JPH1: variants seen among roughly 807,000 people sequenced by gnomAD.
The protein encoded by JPH1 is junctophilin 1.
Under a neutral mutation model 53.6 loss-of-function variants are expected in JPH1, and 12 were observed. That is an observed-to-expected ratio of 0.22 (90% CI 0.14 to 0.36). The LOEUF is 0.36. JPH1 is among the 10% of genes least tolerant of loss of function. The pLI is 1.00. For synonymous variants in JPH1, 375 were observed against 363.8 expected (o/e 1.03, Z -0.35); for missense variants, 808 against 905.5 (o/e 0.89, Z 1.38).
intron 2 of JPH1, among the ~76,000 whole-genome samples, chr8:74,305,826 AAT>A (rs1197095671): frequency 6.6e-6 from 1 of 152,180 alleles, no homozygotes; most frequent in Non-Finnish European, 1.5e-5. Flanking sequence ...CATGTTTTTT[AAT>A]GGCTTGAAAG....
chr8:74,241,909 C>T (rs939875756), intron 4 of JPH1, among the ~76,000 whole-genome samples: 2 of 152,164 alleles, frequency 1.3e-5, no homozygotes, highest in Non-Finnish European at 2.9e-5. Flanking sequence ...CTCTTGTCTA[C>T]TTGATGGTAA....
At chr8:74,251,478 GGTTTC>G (rs1428281764) in intron 3 of JPH1, among the ~76,000 whole-genome samples, 2 of 152,056 alleles carry the variant, frequency 1.3e-5, no homozygotes, top group African/African-American at 2.4e-5. Flanking sequence ...TGGCAATTTA[GGTTTC>G]TGTGCATGTA....
chr8:74,285,292 A>C (rs1807130368), intron 2 of JPH1, among the ~76,000 whole-genome samples: 2 of 152,066 alleles, frequency 1.3e-5, no homozygotes, highest in Admixed American at 1.3e-4. Context: ...TAAATACTAT[A>C]TCTACTTTAT....
intron 2 of JPH1, among the ~76,000 whole-genome samples, chr8:74,269,956 G>T (rs180921057): frequency 6.6e-5 from 10 of 152,276 alleles, no homozygotes. Flanking sequence ...TTTATATCTA[G>T]AGTTCATCTT....
intron 2 of JPH1, among the ~76,000 whole-genome samples, chr8:74,272,507 A>G (rs1264611116): frequency 6.6e-6 from 1 of 152,044 alleles, no homozygotes; most frequent in Non-Finnish European, 1.5e-5. Flanking sequence ...CCGAGACGTC[A>G]TAGTAACAAC....
rs1383116025 is a variant in JPH1 at position 74,321,487 on chromosome 8, C to T, written c.-200G>A. The T allele has an allele frequency of 6.3e-6, 3 of 479,404 alleles. No individual in the cohort carries two copies. The highest frequency in any genetic ancestry group is 2.2e-5 in the African/African-American group (1 of 46,278). The allele number at this position is 479,404 out of a possible 1,614,324, so 29.7% of individuals were successfully genotyped here. A position where few individuals can be genotyped will look rare whatever the true frequency, so the allele number is the denominator to read the frequency against. Reference sequence around the variant, plus strand: ...TGCCGCCGCCACCGCCGCCTTCCTCCTCCTCCTCCTCCTCCTTCGCCGCCG... The same window carrying T: ...TGCCGCCGCCACCGCCGCCTTCCTCTTCCTCCTCCTCCTCCTTCGCCGCCG... On this transcript the variant is annotated 5_prime_UTR_variant, in exon 1 of 6. Coordinates refer to ENST00000342232, the MANE Select transcript of JPH1 (RefSeq NM_020647.4). This position sits in a 1 kb window ranked among gnomAD's most constrained non-coding sequence, Gnocchi z 4.3.
intron 2 of JPH1, among the ~76,000 whole-genome samples, chr8:74,278,940 T>G (rs1806927529): frequency 6.6e-6 from 1 of 151,986 alleles, no homozygotes; most frequent in Non-Finnish European, 1.5e-5. Context: ...TTGTAAATTA[T>G]GAAGCAAGAC....
At chr8:74,274,493 T>C (rs1806792675) in intron 2 of JPH1, among the ~76,000 whole-genome samples, 3 of 152,220 alleles carry the variant, frequency 2.0e-5, no homozygotes, top group Admixed American at 6.5e-5. Flanking sequence ...TCTGAGCTTT[T>C]AGATGTGGAC....
chr8:74,304,375 G>A (rs1205911987), intron 2 of JPH1, among the ~76,000 whole-genome samples: 1 of 152,174 alleles, frequency 6.6e-6, no homozygotes, highest in African/African-American at 2.4e-5. Context: ...TAATCTATTA[G>A]TCCACAGTTC....
At chr8:74,292,674 G>A (rs1190732585) in intron 2 of JPH1, among the ~76,000 whole-genome samples, 4 of 151,546 alleles carry the variant, frequency 2.6e-5, no homozygotes, top group African/African-American at 9.7e-5. Context: ...CAGAAAAGTA[G>A]TGTAAGGAGA....
chr8:74,265,196 C>T (rs567557859), intron 2 of JPH1, among the ~76,000 whole-genome samples: 1 of 152,066 alleles, frequency 6.6e-6, no homozygotes, highest in Non-Finnish European at 1.5e-5. Flanking sequence ...AACTCTAGCC[C>T]CCTGCAGTGT....
intron 2 of JPH1, 40 bp from the exon 3 acceptor site, chr8:74,259,543 C>T (rs1806333701): frequency 7.3e-7 from 1 of 1,361,382 alleles, no homozygotes; most frequent in South Asian, 1.5e-5. Flanking sequence ...ATAGGTGACC[C>T]CTTGTTACTT....
In JPH1 at chr8:74,321,150, G is replaced by A; in HGVS notation, c.138C>T (p.Phe46=). Residue 46 remains phenylalanine (F), a synonymous_variant, in exon 1 of 6, where the codon TTC becomes TTT. Coordinates refer to ENST00000342232, the MANE Select transcript of JPH1 (RefSeq NM_020647.4). The surrounding 1 kb of genome is among the most constrained non-coding windows in gnomAD (Gnocchi z 4.3). ...GCCAGGTGTAGCCTCCGACCACCTC[G>A]AAGCCGTGCGACCAGGAGCCCGAGT... ...GEYSGSWSHG[F]EVVGGYTWPS... The A allele has an allele frequency of 2.5e-6, 4 of 1,613,392 alleles. No individual in the cohort carries two copies. The highest frequency in any genetic ancestry group is 3.4e-6 in the Non-Finnish European group (4 of 1,179,792).
chr8:74,239,651 T>C (rs1002150941), intron 4 of JPH1, among the ~76,000 whole-genome samples: 1 of 152,178 alleles, frequency 6.6e-6, no homozygotes, highest in African/African-American at 2.4e-5. Flanking sequence ...GAAATATTAT[T>C]ACAGGCTAAG....
intron 2 of JPH1, among the ~76,000 whole-genome samples, chr8:74,276,994 G>A (rs961272576): frequency 3.5e-4 from 53 of 152,184 alleles, no homozygotes; most frequent in Non-Finnish European, 7.1e-4. Context: ...AGCTACACTA[G>A]TTTTTCACAT....
At chr8:74,296,698 A>AT (rs1187588542) in intron 2 of JPH1, among the ~76,000 whole-genome samples, 1 of 152,128 alleles carries the variant, frequency 6.6e-6, no homozygotes, top group Non-Finnish European at 1.5e-5. Context: ...TAAAAATTTC[A>AT]TTTTTTTCTA....
chr8:74,305,463 T>C (rs1586771118), intron 2 of JPH1, among the ~76,000 whole-genome samples: 1 of 152,262 alleles, frequency 6.6e-6, no homozygotes, highest in East Asian at 1.9e-4. Context: ...GTGGTTTTCA[T>C]TACAAATGAT....
At chr8:74,239,594 A>G (rs1271745398) in intron 4 of JPH1, among the ~76,000 whole-genome samples, 1 of 152,180 alleles carries the variant, frequency 6.6e-6, no homozygotes, top group Non-Finnish European at 1.5e-5. Context: ...AACTCAGAAA[A>G]TAGTGGAGAC....
chr8:74,269,648 T>A (rs1806641728), intron 2 of JPH1, among the ~76,000 whole-genome samples: 1 of 152,230 alleles, frequency 6.6e-6, no homozygotes, highest in African/African-American at 2.4e-5. Flanking sequence ...AAACACTGTT[T>A]GAACTGAAAG....
Sources: gnomAD v4.1 joint callset for allele counts (sites outside exome capture counted in the v4.1 genomes callset) on GRCh38, gnomAD v4.1.1 for gene constraint, Gnocchi (gnomAD v3.1) non-coding constraint, MANE v1.5 for transcripts, NCBI Gene and HGNC (gene_info 2026-07-23, HGNC 2026-07-21) for gene names.